SH3GL2: variants seen among roughly 807,000 people sequenced by gnomAD.
SH3GL2 encodes endophilin-A1.
SH3GL2 carries 24 observed loss-of-function variants against 46.0 expected under a neutral mutation model. That is an observed-to-expected ratio of 0.52 (90% CI 0.38 to 0.73). The LOEUF (loss-of-function observed/expected upper bound fraction) is 0.73. Ranked by LOEUF, SH3GL2 falls within the 30% of genes least tolerant of loss-of-function variation. The pLI is 0.00. For synonymous variants in SH3GL2, 196 were observed against 147.1 expected, an observed-to-expected ratio of 1.33 and a Z score of -2.40; for missense variants, 413 against 424.2, an observed-to-expected ratio of 0.97 and a Z score of 0.23.
At chr9:17,698,090 G>A (rs1821253716) in intron 1 of SH3GL2, among the ~76,000 whole-genome samples, 1 of 152,162 alleles carries the variant, frequency 6.6e-6, no homozygotes, top group East Asian at 1.9e-4. Flanking sequence ...TTCCTGAGGT[G>A]ATCCTGCTGA....
intron 1 of SH3GL2, among the ~76,000 whole-genome samples, chr9:17,652,567 T>C (rs117249650): frequency 0.015 from 2,213 of 152,212 alleles, 21 homozygotes; most frequent in African/African-American, 0.023. Flanking sequence ...TTACATTTTC[T>C]CTGCCATTTC....
intron 1 of SH3GL2, among the ~76,000 whole-genome samples, chr9:17,714,535 A>G (rs1588266917): frequency 6.6e-6 from 1 of 151,466 alleles, no homozygotes; most frequent in Non-Finnish European, 1.5e-5. Context: ...TTGTCCTGCT[A>G]CTTTAGTGGT....
intron 1 of SH3GL2, among the ~76,000 whole-genome samples, chr9:17,623,252 C>T (rs187205837): frequency 5.9e-4 from 90 of 152,062 alleles, no homozygotes; most frequent in African/African-American, 1.9e-3. Flanking sequence ...CCCTACGATA[C>T]GTCTGAATGT....
intron 3 of SH3GL2, among the ~76,000 whole-genome samples, chr9:17,780,482 ATTTT>A (rs59714232): frequency 6.8e-6 from 1 of 147,864 alleles, no homozygotes; most frequent in East Asian, 2.0e-4. Context: ...TTTTTTTTTA[ATTTT>A]TTTTTTATTA....
At chr9:17,705,495 T>G (rs1367559754) in intron 1 of SH3GL2, among the ~76,000 whole-genome samples, 1 of 152,016 alleles carries the variant, frequency 6.6e-6, no homozygotes, top group Non-Finnish European at 1.5e-5. Flanking sequence ...TCAACCTAAA[T>G]GGACTTGATA....
intron 1 of SH3GL2, among the ~76,000 whole-genome samples, chr9:17,604,358 C>T (rs1010819807): frequency 6.6e-6 from 1 of 152,192 alleles, no homozygotes; most frequent in Non-Finnish European, 1.5e-5. Context: ...TGTCAGTATC[C>T]TATGAGGTTG....
chr9:17,593,172 A>C (rs1011056397), intron 1 of SH3GL2, among the ~76,000 whole-genome samples: 1 of 152,128 alleles, frequency 6.6e-6, no homozygotes, highest in Non-Finnish European at 1.5e-5. Context: ...GGCTAAACAT[A>C]AGTAAGTGTT....
chr9:17,615,409 C>G (rs1818965385), intron 1 of SH3GL2, among the ~76,000 whole-genome samples: 1 of 152,072 alleles, frequency 6.6e-6, no homozygotes, highest in African/African-American at 2.4e-5. Context: ...ATAATCCCAG[C>G]ACTTTGAGAG....
At chr9:17,607,551 C>T (rs766103893) in intron 1 of SH3GL2, among the ~76,000 whole-genome samples, 1 of 152,132 alleles carries the variant, frequency 6.6e-6, no homozygotes, top group Non-Finnish European at 1.5e-5. Context: ...TGTATTTGAG[C>T]CATCGTTGAC....
intron 3 of SH3GL2, among the ~76,000 whole-genome samples, chr9:17,782,971 G>C (rs552590993): frequency 6.6e-6 from 1 of 151,984 alleles, no homozygotes; most frequent in Non-Finnish European, 1.5e-5. Context: ...ATGGAAACAC[G>C]CAAGGAAGGG....
At position 17,736,653 on chromosome 9, in the gene SH3GL2, T is replaced by C. The variant is rs111900072; in HGVS notation, c.46-10413T>C. Among the ~76,000 whole-genome samples, 279 of 152,266 alleles carry C rather than the reference T, an allele frequency of 1.8e-3. 2 individuals are homozygous for C. The highest frequency in any genetic ancestry group is 0.01 in the Middle Eastern group (3 of 294). Reference sequence around the variant, plus strand: ...ATATGGAGAACTGACTATACTGAGGTGTGAAATACATGTAGGAAGTCTCTC... The same window carrying C: ...ATATGGAGAACTGACTATACTGAGGCGTGAAATACATGTAGGAAGTCTCTC... On this transcript the variant is annotated intron_variant, in intron 1 of 8. Coordinates refer to ENST00000380607, the MANE Select transcript of SH3GL2 (RefSeq NM_003026.5).
intron 1 of SH3GL2, among the ~76,000 whole-genome samples, chr9:17,625,305 C>T (rs955194161): frequency 2.7e-4 from 41 of 152,274 alleles, no homozygotes; most frequent in Non-Finnish European, 1.0e-4. Context: ...TTGATTGAAT[C>T]CTGGTCCAGA....
intron 1 of SH3GL2, among the ~76,000 whole-genome samples, chr9:17,622,986 G>GTTTCCTTTCGTTTCC (rs1819181866): frequency 1.9e-4 from 19 of 99,388 alleles, no homozygotes; most frequent in South Asian, 6.5e-4. Context: ...GTTTCCTTTC[G>GTTTCCTTTCGTTTCC]TTTCCTTTCC....
At chr9:17,764,391 G>C (rs1823262015) in intron 3 of SH3GL2, among the ~76,000 whole-genome samples, 1 of 152,218 alleles carries the variant, frequency 6.6e-6, no homozygotes, top group Admixed American at 6.5e-5. Context: ...GAGTTAGGCA[G>C]ACACCCAGAG....
chr9:17,634,334 A>G (rs4961580), intron 1 of SH3GL2, among the ~76,000 whole-genome samples: 85,654 of 152,022 alleles, frequency 0.56, 24,549 homozygotes, highest in Non-Finnish European at 0.64. Flanking sequence ...GAAATCAGAA[A>G]AATACAGAAA....
intron 2 of SH3GL2, among the ~76,000 whole-genome samples, chr9:17,747,609 C>T (rs990371486): frequency 1.6e-4 from 25 of 152,146 alleles, no homozygotes; most frequent in Non-Finnish European, 2.1e-4. Flanking sequence ...CCAAACTCCC[C>T]TTCCTGCCAT....
At chr9:17,747,772 T>G (rs369688970) in intron 2 of SH3GL2, among the ~76,000 whole-genome samples, 4 of 152,094 alleles carry the variant, frequency 2.6e-5, no homozygotes, top group African/African-American at 4.8e-5. Flanking sequence ...TCTCCTGGGT[T>G]CAAGCGATCT....
chr9:17,584,725 C>T (rs1441221270), intron 1 of SH3GL2, among the ~76,000 whole-genome samples: 1 of 152,132 alleles, frequency 6.6e-6, no homozygotes, highest in Non-Finnish European at 1.5e-5. Flanking sequence ...ATAAGGATCA[C>T]TTGAACCATG....
At chr9:17,778,813 A>G (rs776706697) in intron 3 of SH3GL2, among the ~76,000 whole-genome samples, 3 of 152,162 alleles carry the variant, frequency 2.0e-5, no homozygotes, top group African/African-American at 4.8e-5. Context: ...ATTAGGCAAG[A>G]GAGACATCAA....
Sources: gnomAD v4.1 joint callset for allele counts (sites outside exome capture counted in the v4.1 genomes callset) on GRCh38, gnomAD v4.1.1 for gene constraint, MANE v1.5 for transcripts, NCBI Gene and HGNC (gene_info 2026-07-23, HGNC 2026-07-21) for gene names.